The following TRAPPC9 variants were observed in gnomAD, a reference collection of about 807,000 sequenced individuals.
TRAPPC9 encodes IKK2 binding protein.
TRAPPC9 carries 83 observed loss-of-function variants against 124.0 expected under a neutral mutation model. The observed-to-expected ratio is 0.67, with a 90% CI of 0.56 to 0.80. The LOEUF is 0.80. Ranked by LOEUF, TRAPPC9 falls within the 30% of genes least tolerant of loss-of-function variation. The pLI is 0.00. For missense variants in TRAPPC9, 1,302 were observed against 1,508.3 expected, an observed-to-expected ratio of 0.86 and a Z score of 2.27; for synonymous variants, 638 against 617.5, an observed-to-expected ratio of 1.03 and a Z score of -0.49.
intron 17 of TRAPPC9, among the ~76,000 whole-genome samples, chr8:140,153,669 G>C (rs1412716729): frequency 6.6e-6 from 1 of 152,150 alleles, no homozygotes; most frequent in East Asian, 1.9e-4. Flanking sequence ...ATGAATAAAT[G>C]AATGACTCAT....
chr8:140,032,723 C>A (rs185056808), intron 17 of TRAPPC9, among the ~76,000 whole-genome samples: 1 of 152,278 alleles, frequency 6.6e-6, no homozygotes, highest in Admixed American at 6.5e-5. Context: ...GCTTTCCATA[C>A]ATGAAGATAT....
chr8:140,198,447 G>A (rs2062715472), intron 17 of TRAPPC9, among the ~76,000 whole-genome samples: 2 of 151,930 alleles, frequency 1.3e-5, no homozygotes, highest in African/African-American at 2.4e-5. Context: ...CACCCAGATC[G>A]ATAAACTGGC....
intron 17 of TRAPPC9, among the ~76,000 whole-genome samples, chr8:140,032,303 C>T (rs1840545187): frequency 6.6e-6 from 1 of 152,238 alleles, no homozygotes; most frequent in East Asian, 1.9e-4. Context: ...ACTGTCCTCT[C>T]CCATCCCCTG....
chr8:140,277,857 G>T (rs1251729215), intron 14 of TRAPPC9, among the ~76,000 whole-genome samples: 1 of 152,228 alleles, frequency 6.6e-6, no homozygotes, highest in Non-Finnish European at 1.5e-5. Context: ...GGGACTATGG[G>T]CAAACTGTGG....
In TRAPPC9 at chr8:140,451,145, CT is replaced by C. The variant is rs1358370691; in HGVS notation, c.228del (p.Val77SerfsTer112). ...TCTGTGATGGTGATGAGGCCCACGA[CT>C]TTGCGGTGGGTCTGGAAGTCACCCC... ...NEWGDFQTHR[K>X]VVGLITITDC... On this transcript the variant is annotated frameshift_variant, in exon 2 of 23. Transcript: ENST00000438773. LOFTEE classifies it high-confidence loss of function. The C allele has an allele frequency of 6.2e-7, 1 of 1,614,034 alleles. No homozygotes were observed. Among genetic ancestry groups the C allele is most frequent in the Admixed American group, 1.7e-5 (1 of 59,998 alleles).
intron 8 of TRAPPC9, among the ~76,000 whole-genome samples, 153 bp from the exon 9 acceptor site, chr8:140,360,346 C>T (rs984546599): frequency 2.6e-5 from 4 of 152,174 alleles, no homozygotes; most frequent in Admixed American, 2.0e-4. Context: ...CTTTTAATGA[C>T]CCTGGAAAAG....
At chr8:139,834,998 G>A (rs1000150376) in intron 21 of TRAPPC9, among the ~76,000 whole-genome samples, 2 of 152,186 alleles carry the variant, frequency 1.3e-5, no homozygotes, top group African/African-American at 4.8e-5. Context: ...GACTCGCCTG[G>A]ACAGGGAAGC....
intron 20 of TRAPPC9, among the ~76,000 whole-genome samples, chr8:139,893,425 C>A (rs1830469228): frequency 6.6e-6 from 1 of 152,230 alleles, no homozygotes; most frequent in Non-Finnish European, 1.5e-5. Context: ...CATGCCCAAC[C>A]TGCCCTGGCG....
At chr8:139,942,149 G>A (rs575267178) in intron 19 of TRAPPC9, among the ~76,000 whole-genome samples, 18 of 152,260 alleles carry the variant, frequency 1.2e-4, no homozygotes, top group East Asian at 3.9e-4. Flanking sequence ...CTTTGTGGAC[G>A]GTGACTCGGG....
chr8:139,742,155 C>T lies in TRAPPC9; in HGVS notation c.3056-9953G>A, dbSNP rs925602110. Among the ~76,000 whole-genome samples the T allele has an allele frequency of 3.9e-5, 6 of 152,248 alleles. No individual in the cohort carries two copies. Among genetic ancestry groups the T allele is most frequent in the Non-Finnish European group, 7.3e-5 (5 of 68,044 alleles). On this transcript the variant is annotated intron_variant, in intron 21 of 22. Coordinates refer to ENST00000438773, the MANE Select transcript of TRAPPC9 (RefSeq NM_001160372.4). This position sits in a 1 kb window ranked among gnomAD's most constrained non-coding sequence, Gnocchi z 4.7. The stretch of plus-strand genomic sequence containing the variant: ...CGGCGGTGCGGGAGAGGCCTGACTG[C>T]TCCACGCCTTCTATGGCACTGTGGT...
At chr8:139,937,186 C>T (rs2614717) in intron 19 of TRAPPC9, among the ~76,000 whole-genome samples, 103,339 of 151,970 alleles carry the variant, frequency 0.68, 35,287 homozygotes, top group Middle Eastern at 0.79. Flanking sequence ...GGACATTGCA[C>T]TGTGTTCTTG....
At chr8:140,173,747 T>C (rs1363530537) in intron 17 of TRAPPC9, among the ~76,000 whole-genome samples, 1 of 152,158 alleles carries the variant, frequency 6.6e-6, no homozygotes, top group Non-Finnish European at 1.5e-5. Context: ...TAAACTTAGC[T>C]ATCCATGCAT....
At position 140,044,033 on chromosome 8, in the gene TRAPPC9, A is replaced by G. The variant is rs142159477; in HGVS notation, c.2557-19954T>C. ...TCCTGCCGTACCTGGCAGTTGTTCTAAACTCAGATCATTGTGCCAGCAGGG... is the reference window on the plus strand; with the variant it reads ...TCCTGCCGTACCTGGCAGTTGTTCTGAACTCAGATCATTGTGCCAGCAGGG... On this transcript the variant is annotated intron_variant, in intron 17 of 22. Coordinates refer to ENST00000438773, the MANE Select transcript of TRAPPC9 (RefSeq NM_001160372.4). 4.6e-3 allele frequency among the ~76,000 whole-genome samples: 702 copies of G among 152,246 alleles called. 9 individuals are homozygous for G. The highest frequency in any genetic ancestry group is 0.016 in the African/African-American group (673 of 41,560).
chr8:139,919,484 T>C (rs1170306670), intron 19 of TRAPPC9, among the ~76,000 whole-genome samples: 1 of 152,174 alleles, frequency 6.6e-6, no homozygotes, highest in Non-Finnish European at 1.5e-5. Context: ...AATGGGTAAA[T>C]TGCATTGTGT....
intron 19 of TRAPPC9, among the ~76,000 whole-genome samples, chr8:139,971,752 C>CACACACAAACAT (rs1554419401): frequency 6.8e-6 from 1 of 146,938 alleles, no homozygotes; most frequent in South Asian, 2.2e-4. Context: ...TATATATACA[C>CACACACAAACAT]ACACACACAC....
At chr8:140,038,615 C>T (rs1841062753) in intron 17 of TRAPPC9, among the ~76,000 whole-genome samples, 1 of 152,188 alleles carries the variant, frequency 6.6e-6, no homozygotes, top group Admixed American at 6.5e-5. Flanking sequence ...GCAGAGCACA[C>T]AGTAACTGAT....
intron 21 of TRAPPC9, among the ~76,000 whole-genome samples, chr8:139,847,943 G>A (rs1827199384): frequency 6.6e-6 from 1 of 152,242 alleles, no homozygotes; most frequent in South Asian, 2.1e-4. Flanking sequence ...GCCTCTGCCT[G>A]TGCCCTGTGT....
intron 7 of TRAPPC9, among the ~76,000 whole-genome samples, chr8:140,385,676 T>C (rs924643014): frequency 2.6e-5 from 4 of 152,260 alleles, no homozygotes; most frequent in African/African-American, 4.8e-5. Flanking sequence ...CAATAATTAA[T>C]AGCTTACCAA....
At chr8:140,218,235 A>C (rs2131300261) in intron 17 of TRAPPC9, among the ~76,000 whole-genome samples, 1 of 152,232 alleles carries the variant, frequency 6.6e-6, no homozygotes, top group African/African-American at 2.4e-5. Context: ...ATCTTTCCAA[A>C]TCAGCATTTT....
Sources: allele counts gnomAD v4.1 joint callset (sites outside exome capture counted in the v4.1 genomes callset), GRCh38; gene constraint gnomAD v4.1.1; non-coding constraint Gnocchi (gnomAD v3.1); transcripts MANE v1.5; gene names NCBI Gene and HGNC (gene_info 2026-07-23, HGNC 2026-07-21).